POC1A: variants seen among roughly 807,000 people sequenced by gnomAD.
POC1A encodes the protein POC1 centriolar protein homolog A.
A neutral mutation model predicts 47.8 loss-of-function variants in POC1A; 34 were observed. The observed-to-expected ratio is 0.71, with a 90% CI of 0.54 to 0.95. The LOEUF is 0.95. POC1A is among the 40% of genes least tolerant of loss of function. The probability of loss-of-function intolerance (pLI) is 0.00; values close to 1 mark genes in which losing one functional copy is unlikely to be tolerated. For missense variants in POC1A, 466 were observed against 528.3 expected, an observed-to-expected ratio of 0.88 and a Z score of 1.16; for synonymous variants, 177 against 207.6, an observed-to-expected ratio of 0.85 and a Z score of 1.27.
chr3:52,130,436 G>A lies in POC1A; in HGVS notation c.814-5255C>T, dbSNP rs371892846. Among the ~76,000 whole-genome samples the A allele has an allele frequency of 5.8e-4, 88 of 152,328 alleles. No individual in the cohort carries two copies. The East Asian group carries it at 0.016, about 28-fold the overall frequency. ...GAACTGGGCTCTCATGGCTGAGTGG[G>A]GCCCATAGGAGGCCATCATAACTCC... On this transcript the variant is annotated intron_variant, in intron 7 of 10. Coordinates refer to ENST00000296484, the MANE Select transcript of POC1A (RefSeq NM_015426.5).
chr3:52,098,224 T>C (rs1270137051), intron 9 of POC1A, among the ~76,000 whole-genome samples: 1 of 152,118 alleles, frequency 6.6e-6, no homozygotes, highest in East Asian at 1.9e-4. Context: ...GAGGACCCCC[T>C]AGCAGTGCAG....
intron 9 of POC1A, among the ~76,000 whole-genome samples, chr3:52,121,390 G>C (rs898230378): frequency 6.6e-6 from 1 of 152,222 alleles, no homozygotes; most frequent in African/African-American, 2.4e-5. Context: ...AGCAAGTACA[G>C]AGGACAGCCA....
chr3:52,119,346 T>C (rs780180880), intron 9 of POC1A, among the ~76,000 whole-genome samples: 6 of 151,720 alleles, frequency 4.0e-5, no homozygotes, highest in Admixed American at 3.3e-4. Flanking sequence ...GATTCTAAGC[T>C]GGGGACAATT....
chr3:52,112,011 G>A (rs1703404192), intron 9 of POC1A, among the ~76,000 whole-genome samples: 1 of 152,216 alleles, frequency 6.6e-6, no homozygotes, highest in South Asian at 2.1e-4. Context: ...GCTCACAGCA[G>A]AGCCACAGCA....
intron 7 of POC1A, among the ~76,000 whole-genome samples, chr3:52,133,495 T>C (rs1704314457): frequency 6.6e-6 from 1 of 152,126 alleles, no homozygotes; most frequent in African/African-American, 2.4e-5. Context: ...GCCAGAGAGC[T>C]ACCAAACCAC....
rs897137811 is a variant in POC1A, at chr3:52,138,292, T to C, written c.690A>G (p.Ala230=). ...RLLQHYQLHS[A]AVNGLSFHPS... is the part of the protein sequence containing the mutation. Reference sequence around the variant, plus strand: ...GGTGGAAAGAGAGCCCGTTCACTGCTGCACTGTGCACTGGGGGAAGGACAT... The same window carrying C: ...GGTGGAAAGAGAGCCCGTTCACTGCCGCACTGTGCACTGGGGGAAGGACAT... Residue 230 remains alanine, a synonymous_variant, in exon 7 of 11, where the codon GCA becomes GCG. Coordinates refer to ENST00000296484, the MANE Select transcript of POC1A (RefSeq NM_015426.5). 2 of 1,611,700 alleles carry C rather than the reference T, an allele frequency of 1.2e-6. No homozygotes were observed. The highest frequency in any genetic ancestry group is 1.3e-5 in the African/African-American group (1 of 74,982).
At chr3:52,150,928 C>T in intron 2 of POC1A, 88 bp downstream of exon 2, 1 of 1,190,154 alleles carries the variant, frequency 8.4e-7, no homozygotes, top group Non-Finnish European at 1.2e-6. Flanking sequence ...AGTCCTTGTG[C>T]TCTGCTTCCC....
In POC1A at chr3:52,138,217, G is replaced by C; in HGVS notation, c.765C>G (p.Ile255Met). 1.2e-6 allele frequency: 2 copies of C among 1,614,032 alleles called. No individual in the cohort carries two copies. The highest frequency in any genetic ancestry group is 1.7e-6 in the Non-Finnish European group (2 of 1,179,968). Reference protein sequence around the residue: ...ITASSDSTLKILDLMEGRLLY... With the variant: ...ITASSDSTLKMLDLMEGRLLY... ...GCAGCCGGCCCTCCATCAGGTCCAG[G>C]ATCTTCAGGGTTGAGTCACTGGAGG... Residue 255 changes from isoleucine (I) to methionine (M), a missense_variant, in exon 7 of 11, where the codon ATC (isoleucine) becomes ATG (methionine). By Grantham distance (10) the Ile-to-Met change is conservative. Transcript: ENST00000296484.
intron 2 of POC1A, 113 bp from the exon 3 acceptor site, chr3:52,150,100 C>A: frequency 1.3e-6 from 1 of 793,452 alleles, no homozygotes; most frequent in Non-Finnish European, 2.0e-6. Flanking sequence ...CCCTGGCATC[C>A]ACAAACAGAC....
chr3:52,091,414 A>T (rs144467871), intron 10 of POC1A, among the ~76,000 whole-genome samples: 1 of 152,354 alleles, frequency 6.6e-6, no homozygotes, highest in Non-Finnish European at 1.5e-5. Context: ...ATCTACATTC[A>T]AAGAACAGAA....
chr3:52,148,239 T>C (rs1698433342), intron 4 of POC1A, among the ~76,000 whole-genome samples: 1 of 152,246 alleles, frequency 6.6e-6, no homozygotes, highest in Non-Finnish European at 1.5e-5. Flanking sequence ...AGGCCCAGTA[T>C]GGACTTGACA....
chr3:52,082,149 C>T (rs993343969), intron 10 of POC1A, among the ~76,000 whole-genome samples: 1 of 151,888 alleles, frequency 6.6e-6, no homozygotes, highest in African/African-American at 2.4e-5. Flanking sequence ...ACTGAGGATC[C>T]TATTGAGGGC....
In POC1A at chr3:52,125,171, G is replaced by A. The variant is rs1703949088; in HGVS notation, c.824C>T (p.Thr275Ile). ...YTLHGHQGPATTVAFSRTGEY... is the reference protein window; with the variant it reads ...YTLHGHQGPAITVAFSRTGEY... ...CCCCGTTCTTGAAAAGGCAACAGTG[G>A]TGGCTGGTCCCTGGCAGAACAAACA... Residue 275 changes from threonine (T) to isoleucine (I), a missense_variant, in exon 8 of 11, where the codon ACC becomes ATC. Physicochemically the swap from Thr to Ile is moderately conservative, Grantham distance 89 (BLOSUM62 -1). Coordinates refer to ENST00000296484, the MANE Select transcript of POC1A (RefSeq NM_015426.5). 6 of 1,613,832 alleles carry A rather than the reference G, an allele frequency of 3.7e-6. No homozygotes were observed. The highest frequency in any genetic ancestry group is 5.1e-6 in the Non-Finnish European group (6 of 1,179,754).
Position 52,149,950 on chromosome 3 carries a change from G to A in POC1A, c.141C>T (p.His47=), listed in dbSNP as rs1354466688. 1.2e-6 allele frequency: 2 copies of A among 1,613,674 alleles called. No homozygotes were observed. Among genetic ancestry groups the A allele is most frequent in the Admixed American group, 1.7e-5 (1 of 60,010 alleles). The change falls in exon 3 of 11, where the codon CAC becomes CAT. Residue 47 remains histidine (H), a synonymous_variant. Transcript: ENST00000296484. ...GGTAGGCGCGTGACTGCGGCTTCATGTGCCAGACCATGAGGCATGAGTCCA... is the reference window on the plus strand; with the variant it reads ...GGTAGGCGCGTGACTGCGGCTTCATATGCCAGACCATGAGGCATGAGTCCA... ...GSMDSCLMVW[H]MKPQSRAYRF...
At chr3:52,115,319 G>A (rs1424315659) in intron 9 of POC1A, among the ~76,000 whole-genome samples, 2 of 152,100 alleles carry the variant, frequency 1.3e-5, no homozygotes, top group Non-Finnish European at 2.9e-5. Flanking sequence ...GCCAGGATTG[G>A]GGTCAAGTGG....
intron 6 of POC1A, among the ~76,000 whole-genome samples, chr3:52,140,067 G>A (rs1033463467): frequency 6.6e-6 from 1 of 152,172 alleles, no homozygotes; most frequent in African/African-American, 2.4e-5. Flanking sequence ...TCTTAGCACT[G>A]AAAGGCTGTA....
At chr3:52,096,432 A>T in intron 10 of POC1A, 137 bp downstream of exon 10, 1 of 782,544 alleles carries the variant, frequency 1.3e-6, no homozygotes, top group Non-Finnish European at 2.0e-6. Flanking sequence ...CTGCAATGTC[A>T]TTAATATGGA....
chr3:52,093,249 G>C (rs986113235), intron 10 of POC1A, among the ~76,000 whole-genome samples: 8 of 152,206 alleles, frequency 5.3e-5, no homozygotes, highest in African/African-American at 1.9e-4. Context: ...GACCTTGGCA[G>C]ATTCAGTCCT....
intron 6 of POC1A, among the ~76,000 whole-genome samples, chr3:52,145,367 G>C (rs1277081333): frequency 6.6e-6 from 1 of 152,186 alleles, no homozygotes; most frequent in Non-Finnish European, 1.5e-5. Context: ...CATCTGCGGA[G>C]GACACTGTAA....
Sources: gnomAD v4.1 joint callset for allele counts (sites outside exome capture counted in the v4.1 genomes callset) on GRCh38, gnomAD v4.1.1 for gene constraint, MANE v1.5 for transcripts, NCBI Gene and HGNC (gene_info 2026-07-23, HGNC 2026-07-21) for gene names.